PSMB7: variants seen among roughly 807,000 people sequenced by gnomAD.
The protein encoded by PSMB7 is proteasome subunit beta type-7.
In PSMB7, 5 loss-of-function variants were observed where a neutral mutation model predicts 28.1. The observed-to-expected ratio is 0.18, with a 90% CI of 0.09 to 0.37. PSMB7 has a LOEUF of 0.37. Among genes scored for constraint, PSMB7 ranks in the 10% least tolerant of loss-of-function variants. The pLI is 1.00. For missense variants in PSMB7, 275 were observed against 346.2 expected, an observed-to-expected ratio of 0.79 and a Z score of 1.63; for synonymous variants, 122 against 123.7, an observed-to-expected ratio of 0.99 and a Z score of 0.09.
At chr9:124,404,845 T>TC (rs1160118079) in intron 5 of PSMB7, among the ~76,000 whole-genome samples, 3 of 151,712 alleles carry the variant, frequency 2.0e-5, no homozygotes, top group African/African-American at 7.3e-5. Flanking sequence ...AGAGCAAAAC[T>TC]CCATCTCAAA....
intron 5 of PSMB7, among the ~76,000 whole-genome samples, chr9:124,390,576 G>GA (rs1830774080): frequency 6.6e-6 from 1 of 152,020 alleles, no homozygotes; most frequent in Admixed American, 6.6e-5. Context: ...TTTAGTGGGG[G>GA]AAAAACATGT....
At chr9:124,386,469 T>C (rs1020329655) in intron 5 of PSMB7, among the ~76,000 whole-genome samples, 2 of 152,162 alleles carry the variant, frequency 1.3e-5, no homozygotes, top group African/African-American at 4.8e-5. Flanking sequence ...GCAAGCTGGT[T>C]TTGTGTGGAA....
intron 6 of PSMB7, among the ~76,000 whole-genome samples, chr9:124,366,037 A>C (rs530667463): frequency 8.5e-5 from 13 of 152,378 alleles, no homozygotes; most frequent in Admixed American, 7.2e-4. Flanking sequence ...AAAGGTCTAC[A>C]CCAATGTGTG....
At chr9:124,401,089 G>A (rs1003857954) in intron 5 of PSMB7, among the ~76,000 whole-genome samples, 2 of 152,118 alleles carry the variant, frequency 1.3e-5, no homozygotes, top group Non-Finnish European at 2.9e-5. Context: ...AAGGAGATAC[G>A]TGAAAGTTTA....
At chr9:124,394,055 G>A (rs966364253) in intron 5 of PSMB7, among the ~76,000 whole-genome samples, 2 of 152,194 alleles carry the variant, frequency 1.3e-5, no homozygotes, top group Non-Finnish European at 2.9e-5. Flanking sequence ...CCTTTACTCA[G>A]GTCCATATTT....
intron 5 of PSMB7, among the ~76,000 whole-genome samples, chr9:124,388,784 A>G (rs1830753358): frequency 6.6e-6 from 1 of 152,160 alleles, no homozygotes; most frequent in African/African-American, 2.4e-5. Flanking sequence ...CCTATCTCAC[A>G]GAGCACATGG....
chr9:124,384,215 C>T (rs924311431), intron 6 of PSMB7: 1 of 183,576 alleles, frequency 5.4e-6, no homozygotes, highest in East Asian at 1.4e-4. Flanking sequence ...GTCTCTGTAA[C>T]ATGCAAAGAC....
At chr9:124,360,573 T>C (rs1830456215) in intron 6 of PSMB7, among the ~76,000 whole-genome samples, 1 of 152,196 alleles carries the variant, frequency 6.6e-6, no homozygotes, top group African/African-American at 2.4e-5. Context: ...GATGGGCGAG[T>C]AGGCCTTACC....
At chr9:124,378,567 T>C (rs1830635993) in intron 6 of PSMB7, among the ~76,000 whole-genome samples, 2 of 152,206 alleles carry the variant, frequency 1.3e-5, no homozygotes, top group South Asian at 2.1e-4. Context: ...TCGCAAGATA[T>C]TCTGACAATT....
intron 5 of PSMB7, among the ~76,000 whole-genome samples, chr9:124,400,686 T>C (rs1164434610): frequency 1.3e-5 from 2 of 152,226 alleles, no homozygotes; most frequent in Non-Finnish European, 2.9e-5. Context: ...CCACCTGCTA[T>C]ACTTTTCTCA....
chr9:124,391,814 TG>T (rs1830790418), intron 5 of PSMB7, among the ~76,000 whole-genome samples: 1 of 151,310 alleles, frequency 6.6e-6, no homozygotes, highest in South Asian at 2.1e-4. Flanking sequence ...TGCTTTTACT[TG>T]TTCTGTACAT....
At chr9:124,393,881 G>A (rs1236125391) in intron 5 of PSMB7, among the ~76,000 whole-genome samples, 1 of 152,196 alleles carries the variant, frequency 6.6e-6, no homozygotes, top group Non-Finnish European at 1.5e-5. Flanking sequence ...CCTGTTTAGA[G>A]GACAAAATGG....
At position 124,356,984 on chromosome 9, in the gene PSMB7, C is replaced by T. The variant is rs921994923; in HGVS notation, c.571-69G>A. The stretch of plus-strand genomic sequence containing the variant: ...GGCCTGCTCTGACATCCGCAATGTA[C>T]GTCCACTAGCAGTGCGCAAGACCTC... On this transcript the variant is annotated intron_variant, in intron 6 of 7. Coordinates refer to ENST00000259457, the MANE Select transcript of PSMB7 (RefSeq NM_002799.4). This position sits in a 1 kb window ranked among gnomAD's most constrained non-coding sequence, Gnocchi z 4.4. 23 of 1,574,538 alleles carry T rather than the reference C, an allele frequency of 1.5e-5. No homozygotes were observed. Among genetic ancestry groups the T allele is most frequent in the Non-Finnish European group, 1.9e-5 (22 of 1,150,222 alleles).
At chr9:124,375,201 T>TCG (rs1830597581) in intron 6 of PSMB7, among the ~76,000 whole-genome samples, 1 of 152,274 alleles carries the variant, frequency 6.6e-6, no homozygotes, top group East Asian at 1.9e-4. Context: ...TCTCACTCTG[T>TCG]CGCCCCAGGC....
Position 124,405,420 on chromosome 9 carries a change from G to C in PSMB7, c.408C>G (p.Tyr136Ter). Residue 136 changes from tyrosine (Y) to a stop codon, truncating the protein, a stop_gained, in exon 5 of 8, where the codon TAC becomes TAG. Transcript: ENST00000259457. LOFTEE classifies it high-confidence loss of function. ...LKQMLFRYQG[Y>*]IGAALVLGGV... Reference sequence around the variant, plus strand: ...CCCCTAAAACTAGGGCTGCACCAATGTAACCTTGATACCTGGTGATCAGAG... The same window carrying C: ...CCCCTAAAACTAGGGCTGCACCAATCTAACCTTGATACCTGGTGATCAGAG... The C allele has an allele frequency of 6.2e-7, 1 of 1,608,486 alleles. No individual in the cohort carries two copies.
chr9:124,403,974 C>T (rs1830938098), intron 5 of PSMB7, among the ~76,000 whole-genome samples: 1 of 151,250 alleles, frequency 6.6e-6, no homozygotes, highest in African/African-American at 2.4e-5. Context: ...TCATTGCAAC[C>T]TCAAACTCCT....
intron 6 of PSMB7, among the ~76,000 whole-genome samples, chr9:124,364,339 G>A (rs1209745609): frequency 5.3e-5 from 8 of 152,142 alleles, no homozygotes; most frequent in East Asian, 1.9e-4. Context: ...AATCTGTGGC[G>A]GGCAAGTGGT....
In PSMB7 at chr9:124,356,368, C is replaced by CTTACACT. The variant is rs1345523122; in HGVS notation, c.722+395_722+396insAGTGTAA. Among the ~76,000 whole-genome samples, 1 of 152,178 alleles carries CTTACACT rather than the reference C, an allele frequency of 6.6e-6. No homozygotes were observed. The highest frequency in any genetic ancestry group is 1.9e-4 in the East Asian group (1 of 5,188). ...TCTGGGAGGCTGTTAGCATTGCTGA[C>CTTACACT]TTACACCCAGTTAGGAATCTCGGGG... On this transcript the variant is annotated intron_variant, in intron 7 of 7. Coordinates refer to ENST00000259457, the MANE Select transcript of PSMB7 (RefSeq NM_002799.4). The surrounding 1 kb of genome is among the most constrained non-coding windows in gnomAD (Gnocchi z 4.4).
intron 5 of PSMB7, among the ~76,000 whole-genome samples, chr9:124,386,775 T>TA (rs1830724926): frequency 6.6e-6 from 1 of 152,082 alleles, no homozygotes; most frequent in Non-Finnish European, 1.5e-5. Context: ...CATTTTTCCT[T>TA]AAAAATCACT....
Sources: allele counts gnomAD v4.1 joint callset (sites outside exome capture counted in the v4.1 genomes callset), GRCh38; gene constraint gnomAD v4.1.1; non-coding constraint Gnocchi (gnomAD v3.1); transcripts MANE v1.5; gene names NCBI Gene and HGNC (gene_info 2026-07-23, HGNC 2026-07-21).